The following CNTN5 variants were observed in gnomAD, a reference collection of about 807,000 sequenced individuals.
CNTN5 encodes the protein contactin-5.
A neutral mutation model predicts 129.1 loss-of-function variants in CNTN5; 77 were observed. That is an observed-to-expected ratio of 0.60 (90% CI 0.50 to 0.72). The LOEUF (loss-of-function observed/expected upper bound fraction) is 0.72, where lower values mean the gene tolerates loss of function less well. CNTN5 is among the 30% of genes least tolerant of loss of function. The pLI, the probability that CNTN5 is intolerant of heterozygous loss-of-function variation, is 0.00. For missense variants in CNTN5, 1,478 were observed against 1,328.8 expected, an observed-to-expected ratio of 1.11 and a Z score of -1.75; for synonymous variants, 509 against 465.6, an observed-to-expected ratio of 1.09 and a Z score of -1.20.
intron 13 of CNTN5, among the ~76,000 whole-genome samples, chr11:100,127,188 C>T (rs568387826): frequency 2.0e-5 from 3 of 148,276 alleles, no homozygotes; most frequent in Admixed American, 6.8e-5. Context: ...TATCCACTCA[C>T]GTTGGCCTCC....
chr11:99,095,234 T>C (rs1350072137), intron 1 of CNTN5, among the ~76,000 whole-genome samples: 1 of 151,970 alleles, frequency 6.6e-6, no homozygotes, highest in African/African-American at 2.4e-5. Context: ...CTGATGTATG[T>C]ATGATTTGGA....
Position 99,556,201 on chromosome 11 carries a change from T to A in CNTN5, c.-14T>A. 3 of 1,494,656 alleles carry A rather than the reference T, an allele frequency of 2.0e-6. No individual in the cohort carries two copies. Among genetic ancestry groups the A allele is most frequent in the Non-Finnish European group, 2.7e-6 (3 of 1,108,352 alleles). 92.6% of individuals were successfully genotyped at this position (1,494,656 alleles called of 1,614,324 possible). A position where few individuals can be genotyped will look rare whatever the true frequency, so the allele number is the denominator to read the frequency against. On this transcript the variant is annotated 5_prime_UTR_variant, in exon 3 of 25. Coordinates refer to ENST00000524871, the MANE Select transcript of CNTN5 (RefSeq NM_014361.4). ...TTAAACACATTGAGACACAGAAGAT[T>A]CTAGTGACTGAGGATGGCTTCCTCT... is the stretch of plus-strand genomic sequence containing the variant.
At chr11:99,857,092 CTCTG>C (rs1948064263) in intron 6 of CNTN5, among the ~76,000 whole-genome samples, 1 of 149,832 alleles carries the variant, frequency 6.7e-6, no homozygotes, top group African/African-American at 2.4e-5. Flanking sequence ...CTCTCTCTGT[CTCTG>C]TCTTTCTGTC....
At position 99,156,953 on chromosome 11, in the gene CNTN5, T is replaced by C. The variant is rs1860365072; in HGVS notation, c.-210+135683T>C. On this transcript the variant is annotated intron_variant, in intron 1 of 24. Coordinates refer to ENST00000524871, the MANE Select transcript of CNTN5 (RefSeq NM_014361.4). The stretch of plus-strand genomic sequence containing the variant: ...GAGAGTGTTTGGAAGGGATAATTGT[T>C]GCCACTAATTAACAACGGTAATGGT... Among the ~76,000 whole-genome samples the C allele has an allele frequency of 2.6e-5, 4 of 152,144 alleles. No individual in the cohort carries two copies. In the South Asian group the frequency reaches 8.3e-4, roughly 32 times the overall value.
chr11:99,690,979 A>G (rs1475195126), intron 3 of CNTN5, among the ~76,000 whole-genome samples: 1 of 151,684 alleles, frequency 6.6e-6, no homozygotes, highest in African/African-American at 2.4e-5. Context: ...TTTCTTGTCC[A>G]GTCTTGGGAG....
chr11:99,575,595 T>G (rs907913395), intron 3 of CNTN5, among the ~76,000 whole-genome samples: 5 of 152,206 alleles, frequency 3.3e-5, no homozygotes, highest in Admixed American at 6.5e-5. Context: ...AGATTCTGTT[T>G]TCCAAAGTAA....
chr11:100,296,409 G>A (rs1448895532), intron 18 of CNTN5, among the ~76,000 whole-genome samples: 1 of 151,554 alleles, frequency 6.6e-6, no homozygotes, highest in African/African-American at 2.4e-5. Flanking sequence ...CCAATTCCAT[G>A]CAATTCTGAG....
Position 99,365,545 on chromosome 11 carries a change from C to T in CNTN5, c.-71+40061C>T, listed in dbSNP as rs543228925. Among the ~76,000 whole-genome samples, 59 of 152,200 alleles carry T rather than the reference C, an allele frequency of 3.9e-4. 1 individual carries two copies. The highest frequency in any genetic ancestry group is 9.2e-4 in the Admixed American group (14 of 15,260). On this transcript the variant is annotated intron_variant, in intron 2 of 24. Coordinates refer to ENST00000524871, the MANE Select transcript of CNTN5 (RefSeq NM_014361.4). ...GCTGGGAATATGCTGAATGATCTGG[C>T]CAATTCATTTCATTTCATTTCATTT... is the stretch of plus-strand genomic sequence containing the variant.
At chr11:99,672,798 C>A (rs1331439857) in intron 3 of CNTN5, among the ~76,000 whole-genome samples, 1 of 151,862 alleles carries the variant, frequency 6.6e-6, no homozygotes, top group East Asian at 1.9e-4. Context: ...ACCATTCTTT[C>A]TTTAGACCTG....
chr11:99,704,939 G>T (rs901659728), intron 3 of CNTN5, among the ~76,000 whole-genome samples: 1 of 151,112 alleles, frequency 6.6e-6, no homozygotes, highest in Non-Finnish European at 1.5e-5. Context: ...AGAGCATCTG[G>T]CATTCCAATA....
intron 1 of CNTN5, among the ~76,000 whole-genome samples, chr11:99,284,867 T>C (rs1238432503): frequency 2.0e-5 from 3 of 152,110 alleles, no homozygotes. Context: ...AGATATCATA[T>C]AGGAAAGAAT....
At chr11:99,687,357 C>G (rs1438813703) in intron 3 of CNTN5, among the ~76,000 whole-genome samples, 1 of 152,058 alleles carries the variant, frequency 6.6e-6, no homozygotes, top group Admixed American at 6.5e-5. Context: ...TCTGACAATA[C>G]AATATTCTGG....
chr11:99,499,142 A>T (rs1054800833), intron 2 of CNTN5, among the ~76,000 whole-genome samples: 6 of 152,190 alleles, frequency 3.9e-5, no homozygotes, highest in Non-Finnish European at 5.9e-5. Context: ...GCTACTTTGA[A>T]TTCTATTCCT....
chr11:100,251,393 C>T (rs1273541202), intron 16 of CNTN5, among the ~76,000 whole-genome samples: 1 of 152,060 alleles, frequency 6.6e-6, no homozygotes, highest in African/African-American at 2.4e-5. Flanking sequence ...TTAGCATATT[C>T]ATCATCTTAA....
chr11:99,388,476 G>GCC (rs1565541654), intron 2 of CNTN5, among the ~76,000 whole-genome samples: 4 of 149,556 alleles, frequency 2.7e-5, no homozygotes, highest in Non-Finnish European at 4.4e-5. Flanking sequence ...CACTTTGTAC[G>GCC]CTTGTAAACT....
At chr11:99,802,042 C>A (rs943161338) in intron 3 of CNTN5, among the ~76,000 whole-genome samples, 1 of 152,114 alleles carries the variant, frequency 6.6e-6, no homozygotes, top group Non-Finnish European at 1.5e-5. Flanking sequence ...GTTTTCTCTT[C>A]GTTTTCCCAC....
chr11:100,065,695 A>C (rs763313270), intron 10 of CNTN5, among the ~76,000 whole-genome samples: 1 of 152,050 alleles, frequency 6.6e-6, no homozygotes, highest in African/African-American at 2.4e-5. Context: ...ATAGCATGCT[A>C]CTTCTCAGTG....
At chr11:99,671,342 A>C (rs1953035479) in intron 3 of CNTN5, among the ~76,000 whole-genome samples, 1 of 152,142 alleles carries the variant, frequency 6.6e-6, no homozygotes, top group Non-Finnish European at 1.5e-5. Flanking sequence ...AAAAAGAATA[A>C]TTAGTGATTT....
chr11:99,298,402 A>G (rs1864479381), intron 1 of CNTN5, among the ~76,000 whole-genome samples: 1 of 152,172 alleles, frequency 6.6e-6, no homozygotes, highest in South Asian at 2.1e-4. Context: ...ACGCAGTTTA[A>G]ACATTCTGCA....
Sources: allele counts gnomAD v4.1 joint callset (sites outside exome capture counted in the v4.1 genomes callset), GRCh38; gene constraint gnomAD v4.1.1; transcripts MANE v1.5; gene names NCBI Gene and HGNC (gene_info 2026-07-23, HGNC 2026-07-21).